DZIP1: variants seen among roughly 807,000 people sequenced by gnomAD.
DZIP1 encodes the protein cilium assembly protein DZIP1.
Under a neutral mutation model 107.6 loss-of-function variants are expected in DZIP1, and 97 were observed. The observed-to-expected ratio is 0.90, with a 90% CI of 0.77 to 1.07. DZIP1 has a LOEUF of 1.07. DZIP1 is among the 50% of genes least tolerant of loss of function. DZIP1 has a pLI of 0.00. For synonymous variants in DZIP1, 390 were observed against 386.4 expected, an observed-to-expected ratio of 1.01 and a Z score of -0.11; for missense variants, 1,035 against 1,063.6, an observed-to-expected ratio of 0.97 and a Z score of 0.37.
chr13:95,595,996 A>C (rs757117602), intron 15 of DZIP1, among the ~76,000 whole-genome samples: 10 of 152,152 alleles, frequency 6.6e-5, no homozygotes, highest in Non-Finnish European at 1.2e-4. Context: ...AAACTACTGC[A>C]GATTACGCAT....
chr13:95,612,616 G>A (rs185132869), intron 10 of DZIP1, among the ~76,000 whole-genome samples: 2 of 151,796 alleles, frequency 1.3e-5, no homozygotes, highest in South Asian at 2.1e-4. Context: ...ATGGAGTCTC[G>A]CTCTGTCACC....
At chr13:95,619,282 A>T (rs560028893) in intron 10 of DZIP1, among the ~76,000 whole-genome samples, 60 of 152,382 alleles carry the variant, frequency 3.9e-4, no homozygotes, top group African/African-American at 1.3e-3. Context: ...CTATGTATAT[A>T]TGAGGTTCTA....
chr13:95,594,331 C>T (rs1285970670), intron 15 of DZIP1, among the ~76,000 whole-genome samples: 1 of 151,924 alleles, frequency 6.6e-6, no homozygotes, highest in East Asian at 1.9e-4. Flanking sequence ...AATCAGATGA[C>T]AACTATAGAT....
rs2139532405 is a variant in DZIP1 at position 95,643,915 on chromosome 13, C to A, written c.-525-217G>T. Among the ~76,000 whole-genome samples the A allele has an allele frequency of 1.3e-5, 2 of 152,330 alleles. 1 individual carries two copies. Among genetic ancestry groups the A allele is most frequent in the Admixed American group, 1.3e-4 (2 of 15,310 alleles). ...CGTGGGGGTGGCCCGCGCGCCCCCG[C>A]TGAGATCTGGGCGCAGAGGCCTGCG... On this transcript the variant is annotated intron_variant, in intron 1 of 22. Transcript: ENST00000376829.
chr13:95,593,173 TATAC>T (rs1377374593), intron 16 of DZIP1, among the ~76,000 whole-genome samples: 3 of 152,220 alleles, frequency 2.0e-5, no homozygotes, highest in African/African-American at 7.2e-5. Flanking sequence ...TATACATACA[TATAC>T]ATAAATGTGT....
At chr13:95,619,585 C>A (rs2139226992) in intron 10 of DZIP1, among the ~76,000 whole-genome samples, 1 of 151,158 alleles carries the variant, frequency 6.6e-6, no homozygotes, top group Middle Eastern at 3.5e-3. Context: ...TTGTGTGTGG[C>A]AGTTTTAAGT....
intron 9 of DZIP1, among the ~76,000 whole-genome samples, 183 bp from the exon 10 acceptor site, chr13:95,620,130 G>A (rs1356531801): frequency 6.6e-6 from 1 of 152,176 alleles, no homozygotes; most frequent in Non-Finnish European, 1.5e-5. Flanking sequence ...AGGGCCTGGT[G>A]GGAGATGATT....
chr13:95,594,368 G>GA (rs539998049), intron 15 of DZIP1, among the ~76,000 whole-genome samples: 47 of 151,980 alleles, frequency 3.1e-4, no homozygotes, highest in African/African-American at 1.0e-3. Flanking sequence ...AAGCATGATG[G>GA]AAAAAAAATT....
At chr13:95,611,205 A>AC (rs1333485910) in intron 12 of DZIP1, among the ~76,000 whole-genome samples, 1 of 152,136 alleles carries the variant, frequency 6.6e-6, no homozygotes, top group Non-Finnish European at 1.5e-5. Flanking sequence ...GCCTAATAGT[A>AC]CTCTGATTAA....
intron 7 of DZIP1, 64 bp downstream of exon 7, chr13:95,629,925 C>T (rs1594729816): frequency 2.0e-6 from 3 of 1,497,936 alleles, no homozygotes; most frequent in Non-Finnish European, 2.7e-6. Flanking sequence ...TATTAGAGTC[C>T]ATGGCATAAT....
In DZIP1 at chr13:95,630,087, T is replaced by G. The variant is rs543158579; in HGVS notation, c.712A>C (p.Lys238Gln). The change falls in exon 7 of 23, where the codon AAG (lysine) becomes CAG (glutamine). Residue 238 changes from lysine (K) to glutamine (Q), a missense_variant. Physicochemically the swap from Lys to Gln is moderately conservative, Grantham distance 53 (BLOSUM62 1). Transcript: ENST00000376829. The part of the protein sequence containing the change: ...FEYQKNAQIE[K>Q]LRSEIVVLKE... ...AATACGACGATCTCACTCCGGAGCT[T>G]CTCAATCTGTGCATTTTTCTGATAC... The G allele has an allele frequency of 6.1e-5, 98 of 1,612,964 alleles. 2 individuals carry two copies. In the South Asian group the frequency reaches 1.0e-3, roughly 17 times the overall value.
intron 19 of DZIP1, chr13:95,588,145 A>T (rs2044215556): frequency 6.5e-6 from 1 of 154,956 alleles, no homozygotes; most frequent in African/African-American, 2.4e-5. Context: ...ACACAATCTC[A>T]TTTGTATTAT....
intron 10 of DZIP1, among the ~76,000 whole-genome samples, chr13:95,615,384 G>A (rs1874924553): frequency 6.6e-6 from 1 of 152,164 alleles, no homozygotes; most frequent in Non-Finnish European, 1.5e-5. Context: ...AAATACCAAT[G>A]CTAGAAAGAT....
rs994734599 is a variant in DZIP1 at position 95,582,097 on chromosome 13, T to C, written c.*137A>G. ...GTATTGGGTGCCATTAAAGAGACCATTGTTCTTTGAATCAGTCTCTGTGTT... is the reference window on the plus strand; with the variant it reads ...GTATTGGGTGCCATTAAAGAGACCACTGTTCTTTGAATCAGTCTCTGTGTT... On this transcript the variant is annotated 3_prime_UTR_variant, in exon 23 of 23. Transcript: ENST00000376829. The C allele has an allele frequency of 1.3e-5, 10 of 744,646 alleles. No individual in the cohort carries two copies. The highest frequency in any genetic ancestry group is 1.2e-4 in the South Asian group (7 of 59,450). The allele number at this position is 744,646 out of a possible 1,614,324, so 46.1% of individuals were successfully genotyped here.
Position 95,581,361 on chromosome 13 carries a change from G to A in DZIP1, c.*873C>T, listed in dbSNP as rs1235791053. The A allele has an allele frequency of 2.0e-5, 3 of 152,504 alleles. No homozygotes were observed. The highest frequency in any genetic ancestry group is 2.9e-5 in the Non-Finnish European group (2 of 68,016). 9.4% of individuals were successfully genotyped at this position (152,504 alleles called of 1,614,324 possible). ...AAATAGTAAAAAAAAACATACATAT[G>A]TGAATTCAGTAATGGCTCAAATATT... On this transcript the variant is annotated 3_prime_UTR_variant, in exon 23 of 23. Coordinates refer to ENST00000376829, the MANE Select transcript of DZIP1 (RefSeq NM_198968.4).
chr13:95,598,645 T>C (rs1205325408), intron 15 of DZIP1, among the ~76,000 whole-genome samples: 1 of 152,108 alleles, frequency 6.6e-6, no homozygotes, highest in African/African-American at 2.4e-5. Context: ...AGAAGTGATA[T>C]ATGGTGAATT....
At chr13:95,586,389 G>A (rs61975160) in intron 20 of DZIP1, among the ~76,000 whole-genome samples, 2,765 of 151,978 alleles carry the variant, frequency 0.018, 37 homozygotes, top group Non-Finnish European at 0.026. Context: ...AAATAGAGAC[G>A]AGGTCTTGCT....
At chr13:95,608,740 A>G (rs1354849008) in intron 13 of DZIP1, among the ~76,000 whole-genome samples, 1 of 152,186 alleles carries the variant, frequency 6.6e-6, no homozygotes, top group African/African-American at 2.4e-5. Flanking sequence ...CAATAGTGCC[A>G]AATTCCAAAA....
chr13:95,595,351 A>C (rs1324830684), intron 15 of DZIP1, among the ~76,000 whole-genome samples: 1 of 141,420 alleles, frequency 7.1e-6, no homozygotes, highest in African/African-American at 2.7e-5. Flanking sequence ...AATTAGTCAA[A>C]TTACTTTTGT....
Sources: allele counts gnomAD v4.1 joint callset (sites outside exome capture counted in the v4.1 genomes callset), GRCh38; gene constraint gnomAD v4.1.1; transcripts MANE v1.5; gene names NCBI Gene and HGNC (gene_info 2026-07-23, HGNC 2026-07-21).